ZSCAN25: variants seen among roughly 807,000 people sequenced by gnomAD.
The protein encoded by ZSCAN25 is zinc finger and SCAN domain-containing protein 25.
A neutral mutation model predicts 38.7 loss-of-function variants in ZSCAN25; 27 were observed. That is an observed-to-expected ratio of 0.70 (90% CI 0.51 to 0.96). The LOEUF is 0.96. Among genes scored for constraint, ZSCAN25 ranks in the 40% least tolerant of loss-of-function variants. The probability of loss-of-function intolerance (pLI) is 0.00; values close to 1 mark genes in which losing one functional copy is unlikely to be tolerated. For missense variants in ZSCAN25, 637 were observed against 705.9 expected, an observed-to-expected ratio of 0.90 and a Z score of 1.11; for synonymous variants, 273 against 277.7, an observed-to-expected ratio of 0.98 and a Z score of 0.17.
At chr7:99,708,577 T>C in the ZSCAN25 span, among the ~76,000 whole-genome samples, 1 of 152,164 alleles carries the variant, frequency 6.6e-6, no homozygotes, top group Non-Finnish European at 1.5e-5. Context: ...CATATGATGC[T>C]ACTGTATTGA....
At chr7:99,692,057 G>A in the ZSCAN25 span, among the ~76,000 whole-genome samples, 1 of 152,170 alleles carries the variant, frequency 6.6e-6, no homozygotes, top group Non-Finnish European at 1.5e-5. Context: ...CATGTTTAGT[G>A]CTTCCTTCAG....
At chr7:99,665,839 A>G in the ZSCAN25 span, among the ~76,000 whole-genome samples, 1 of 151,902 alleles carries the variant, frequency 6.6e-6, no homozygotes, top group Non-Finnish European at 1.5e-5. Flanking sequence ...GCTCTGGAAA[A>G]CCCCACTATC....
intron 4 of ZSCAN25, chr7:99,620,293 G>A (rs966524450): frequency 2.1e-5 from 8 of 380,382 alleles, no homozygotes; most frequent in Non-Finnish European, 3.8e-5. Context: ...TGTTTTTGGG[G>A]TCCCTCATAG....
At chr7:99,707,657 G>A in the ZSCAN25 span, among the ~76,000 whole-genome samples, 1 of 152,174 alleles carries the variant, frequency 6.6e-6, no homozygotes, top group African/African-American at 2.4e-5. Context: ...CAGAACTGAA[G>A]CACCCTTAAA....
the ZSCAN25 span, among the ~76,000 whole-genome samples, chr7:99,685,746 G>A: frequency 6.6e-6 from 1 of 152,164 alleles, no homozygotes; most frequent in Non-Finnish European, 1.5e-5. Context: ...AACTTTTCAA[G>A]GCTTGTCCTA....
chr7:99,629,564 C>T lies in ZSCAN25; in HGVS notation c.1179C>T (p.His393=), dbSNP rs746152017. ...GFTLREYLMK[H]QRTHLGKRPY... ...CCCTGAGAGAATACCTGATGAAGCA[C>T]CAGAGAACCCACCTGGGAAAGAGGC... is the stretch of plus-strand genomic sequence containing the variant. The change falls in exon 8 of 8, where the codon CAC becomes CAT. Residue 393 remains histidine, a synonymous_variant. Coordinates refer to ENST00000394152, the MANE Select transcript of ZSCAN25 (RefSeq NM_145115.3). This position sits in a 1 kb window ranked among gnomAD's most constrained non-coding sequence, Gnocchi z 5.6. 3 of 1,614,172 alleles carry T rather than the reference C, an allele frequency of 1.9e-6. No homozygotes were observed. The Admixed American group carries it at 5.0e-5, about 27-fold the overall frequency.
At chr7:99,708,630 A>G in the ZSCAN25 span, among the ~76,000 whole-genome samples, 438 of 152,284 alleles carry the variant, frequency 2.9e-3, 1 homozygote, top group Non-Finnish European at 5.2e-3. Context: ...TATCTGTTGC[A>G]CTAACCTATA....
At chr7:99,650,405 A>T in the ZSCAN25 span, among the ~76,000 whole-genome samples, 1 of 152,192 alleles carries the variant, frequency 6.6e-6, no homozygotes, top group Non-Finnish European at 1.5e-5. Context: ...TATAATCATC[A>T]TAACCTACAG....
the ZSCAN25 span, among the ~76,000 whole-genome samples, chr7:99,730,354 C>T: frequency 1.1e-4 from 16 of 152,306 alleles, no homozygotes; most frequent in East Asian, 3.1e-3. Context: ...TAGACAACCA[C>T]TATCTCATCT....
At chr7:99,669,172 G>A in the ZSCAN25 span, among the ~76,000 whole-genome samples, 2 of 152,200 alleles carry the variant, frequency 1.3e-5, no homozygotes, top group Non-Finnish European at 2.9e-5. Flanking sequence ...TCAATGAAAA[G>A]TGGACAAATG....
the ZSCAN25 span, among the ~76,000 whole-genome samples, chr7:99,681,527 T>C: frequency 6.6e-6 from 1 of 152,232 alleles, no homozygotes; most frequent in Non-Finnish European, 1.5e-5. Flanking sequence ...TGATATCTCA[T>C]TGTGGTTTTG....
Position 99,632,052 on chromosome 7 carries a change from A to G in ZSCAN25, c.*2032A>G. 1.0e-6 allele frequency: 1 copy of G among 985,422 alleles called. No homozygotes were observed. The highest frequency in any genetic ancestry group is 1.2e-6 in the Non-Finnish European group (1 of 829,972). 61.0% of individuals were successfully genotyped at this position (985,422 alleles called of 1,614,324 possible). A position where few individuals can be genotyped will look rare whatever the true frequency, so the allele number is the denominator to read the frequency against. On this transcript the variant is annotated 3_prime_UTR_variant, in exon 8 of 8. Coordinates refer to ENST00000394152, the MANE Select transcript of ZSCAN25 (RefSeq NM_145115.3). ...CGGGGGGCTGCTTGTCATTACCTGA[A>G]TCACAGATGCTCTTTTGTCATACAC...
the ZSCAN25 span, among the ~76,000 whole-genome samples, chr7:99,690,842 G>T: frequency 0.019 from 2,932 of 152,284 alleles, 90 homozygotes; most frequent in African/African-American, 0.065. Context: ...TACACTGTTG[G>T]TGTGACTGTA....
At chr7:99,710,735 A>G in the ZSCAN25 span, 1 of 1,613,730 alleles carries the variant, frequency 6.2e-7, no homozygotes, top group Non-Finnish European at 8.5e-7. Context: ...CACTCACCTT[A>G]TTGGGTAAAA....
At chr7:99,667,918 A>G in the ZSCAN25 span, among the ~76,000 whole-genome samples, 1 of 152,248 alleles carries the variant, frequency 6.6e-6, no homozygotes, top group African/African-American at 2.4e-5. Context: ...CTTACTAAAG[A>G]GCATACCTGA....
the ZSCAN25 span, chr7:99,660,253 A>ATTTTTTTTTTTTTTTT: frequency 5.8e-6 from 1 of 171,790 alleles, no homozygotes; most frequent in Non-Finnish European, 7.6e-6. Context: ...TTTACTTAGC[A>ATTTTTTTTTTTTTTTT]TTATTGTGAT....
chr7:99,621,494 G>A lies in ZSCAN25; in HGVS notation c.509G>A (p.Gly170Glu). Residue 170 changes from glycine to glutamate, a missense_variant, in exon 5 of 8, where the codon GGA (glycine) becomes GAA (glutamate). By Grantham distance (98) the Gly-to-Glu change is moderately conservative. Transcript: ENST00000394152. ...GAATGGGGGATGCCCCCTGGGGAAG[G>A]AGTTCAAGGTCCAGACCCAGGTACC... ...KPEWGMPPGE[G>E]VQGPDPGTEE... The A allele has an allele frequency of 1.3e-6, 2 of 1,580,986 alleles. No individual in the cohort carries two copies. The highest frequency in any genetic ancestry group is 1.7e-6 in the Non-Finnish European group (2 of 1,159,354).
At position 99,619,786 on chromosome 7, in the gene ZSCAN25, T is replaced by A. The variant is rs764582520; in HGVS notation, c.180T>A (p.Leu60=). 2.5e-6 allele frequency: 4 copies of A among 1,614,190 alleles called. No individual in the cohort carries two copies. The Admixed American group carries it at 6.7e-5, about 27-fold the overall frequency. The change falls in exon 4 of 8, where the codon CTT becomes CTA. Residue 60 remains leucine (L), a synonymous_variant. Transcript: ENST00000394152. ...AGGCAGCTGGACCCCAGGAAGCTCT[T>A]AGGGAGCTCCAGGAGCTCTGTCGTC... The part of the protein sequence containing the change: ...YQEAAGPQEA[L]RELQELCRRW...
At chr7:99,691,461 C>A in the ZSCAN25 span, among the ~76,000 whole-genome samples, 1 of 151,646 alleles carries the variant, frequency 6.6e-6, no homozygotes, top group African/African-American at 2.4e-5. Flanking sequence ...AATAAACCTT[C>A]TGTCTCATTG....
Sources: gnomAD v4.1 joint callset for allele counts (sites outside exome capture counted in the v4.1 genomes callset) on GRCh38, gnomAD v4.1.1 for gene constraint, Gnocchi (gnomAD v3.1) non-coding constraint, MANE v1.5 for transcripts, NCBI Gene and HGNC (gene_info 2026-07-23, HGNC 2026-07-21) for gene names.